The following PCDH19 variants were observed in gnomAD, a reference collection of about 807,000 sequenced individuals.
PCDH19 encodes protocadherin 19, also known as protocadherin-19.
Under a neutral mutation model 46.2 loss-of-function variants are expected in PCDH19, and 6 were observed. That is an observed-to-expected ratio of 0.13 (90% CI 0.07 to 0.26). The LOEUF (loss-of-function observed/expected upper bound fraction) is 0.26, where lower values mean the gene tolerates loss of function less well. Ranked by LOEUF, PCDH19 falls within the 10% of genes least tolerant of loss-of-function variation. The pLI, the probability that PCDH19 is intolerant of heterozygous loss-of-function variation, is 1.00. For missense variants in PCDH19, 740 were observed against 972.3 expected (o/e 0.76, Z 3.18); for synonymous variants, 481 against 415.7 (o/e 1.16, Z -1.91).
intron 5 of PCDH19, among the ~76,000 whole-genome samples, chrX:100,331,737 T>C (rs1011925826): frequency 9.0e-5 from 10 of 111,591 alleles, no homozygotes; most frequent in African/African-American, 3.3e-4. Context: ...TATAGCACTT[T>C]CTCATTCCCT....
intron 3 of PCDH19, among the ~76,000 whole-genome samples, chrX:100,359,041 C>A (rs1434978319): frequency 8.9e-6 from 1 of 111,876 alleles, no homozygotes; most frequent in African/African-American, 3.3e-5. Context: ...ACTTTACAAG[C>A]AAGTGCCAAC....
At chrX:100,325,700 G>A (rs748740727) in intron 5 of PCDH19, among the ~76,000 whole-genome samples, 2 of 112,436 alleles carry the variant, frequency 1.8e-5, no homozygotes, top group East Asian at 5.6e-4. Context: ...TTTGTATATA[G>A]CACGTGGATT....
chrX:100,313,525 G>A (rs1412865000), intron 5 of PCDH19, among the ~76,000 whole-genome samples: 1 of 112,053 alleles, frequency 8.9e-6, no homozygotes, highest in Non-Finnish European at 1.9e-5. Context: ...TTTGGCTCTA[G>A]TACTTTCTTA....
intron 3 of PCDH19, among the ~76,000 whole-genome samples, chrX:100,366,104 T>C (rs1215713582): frequency 8.9e-6 from 1 of 111,987 alleles, no homozygotes; most frequent in Non-Finnish European, 1.9e-5. Flanking sequence ...ATCCAGAGAA[T>C]ATTGAATGAT....
rs1272328828 is a variant in PCDH19 at position 100,293,970 on chromosome X, C to T, written c.*2307G>A. 9.0e-6 allele frequency: 1 copy of T among 111,700 alleles called. No homozygotes were observed. Among genetic ancestry groups the T allele is most frequent in the Non-Finnish European group, 1.9e-5 (1 of 53,182 alleles). The allele number at this position is 111,700 out of a possible 1,213,427, so 9.2% of individuals were successfully genotyped here. Reference sequence around the variant, plus strand: ...AATCTTTTCTGCTCCCTGGTTCCCACTGAGCATAGCAAGAAATACACCTGT... The same window carrying T: ...AATCTTTTCTGCTCCCTGGTTCCCATTGAGCATAGCAAGAAATACACCTGT... On this transcript the variant is annotated 3_prime_UTR_variant, in exon 6 of 6. Transcript: ENST00000373034.
At position 100,350,723 on chromosome X, in the gene PCDH19, A is replaced by G. The variant is rs769440452; in HGVS notation, c.2617-19T>C. On this transcript the variant is annotated intron_variant, in intron 3 of 5. Coordinates refer to ENST00000373034, the MANE Select transcript of PCDH19 (RefSeq NM_001184880.2). ...TTTCAGTCTGCAATGAGAAGAAAAA[A>G]TTAAAAAGGTTACACAGATGATTCA... 2 of 1,039,626 alleles carry G rather than the reference A, an allele frequency of 1.9e-6. No homozygotes were observed. Among genetic ancestry groups the G allele is most frequent in the African/African-American group, 1.8e-5 (1 of 54,319 alleles). The allele number at this position is 1,039,626 out of a possible 1,213,427, so 85.7% of individuals were successfully genotyped here. A position where few individuals can be genotyped will look rare whatever the true frequency, so the allele number is the denominator to read the frequency against.
chrX:100,370,718 AATAAT>A (rs1927191717), intron 3 of PCDH19, among the ~76,000 whole-genome samples: 1 of 112,074 alleles, frequency 8.9e-6, no homozygotes, highest in Non-Finnish European at 1.9e-5. Flanking sequence ...TTTGTAGGAG[AATAAT>A]ATAATATATT....
At chrX:100,297,237 A>G (rs1274955136) in intron 5 of PCDH19, among the ~76,000 whole-genome samples, 1 of 111,930 alleles carries the variant, frequency 8.9e-6, no homozygotes, top group Non-Finnish European at 1.9e-5. Context: ...AACTGGATTC[A>G]GCAGATGAGG....
chrX:100,341,394 A>G (rs1229977061), intron 5 of PCDH19, among the ~76,000 whole-genome samples: 1 of 111,551 alleles, frequency 9.0e-6, no homozygotes, highest in African/African-American at 3.3e-5. Flanking sequence ...CCATAGACAA[A>G]ATGGGAAGTT....
rs1054486891 is a variant in PCDH19 at position 100,392,830 on chromosome X, G to A, written c.2616+9694C>T. Among the ~76,000 whole-genome samples, 4 of 111,415 alleles carry A rather than the reference G, an allele frequency of 3.6e-5. No individual in the cohort carries two copies. The Admixed American group carries it at 3.8e-4, about 11-fold the overall frequency. On this transcript the variant is annotated intron_variant, in intron 3 of 5. Coordinates refer to ENST00000373034, the MANE Select transcript of PCDH19 (RefSeq NM_001184880.2). ...TTTCAAATATGAATGCTAGATTACG[G>A]ACATTTTTAGTTATAAAAAAGCCTC...
intron 5 of PCDH19, among the ~76,000 whole-genome samples, chrX:100,309,181 C>CACACACACA (rs1569287919): frequency 9.1e-6 from 1 of 109,809 alleles, no homozygotes; most frequent in African/African-American, 3.3e-5. Context: ...CACACACACA[C>CACACACACA]CATGGAAATA....
chrX:100,364,932 G>T (rs1015734109), intron 3 of PCDH19, among the ~76,000 whole-genome samples: 4 of 111,878 alleles, frequency 3.6e-5, no homozygotes, highest in Non-Finnish European at 7.5e-5. Flanking sequence ...AACTAATGTT[G>T]TTTCCCCATC....
chrX:100,373,409 G>A (rs908406493), intron 3 of PCDH19, among the ~76,000 whole-genome samples: 3 of 112,916 alleles, frequency 2.7e-5, no homozygotes, highest in Admixed American at 1.9e-4. Context: ...CTGAAAGAAA[G>A]AATCATCTCA....
At chrX:100,336,711 G>A (rs1347669923) in intron 5 of PCDH19, among the ~76,000 whole-genome samples, 1 of 111,837 alleles carries the variant, frequency 8.9e-6, no homozygotes, top group African/African-American at 3.3e-5. Flanking sequence ...TAGCATGGAG[G>A]GAAACCAATT....
intron 3 of PCDH19, among the ~76,000 whole-genome samples, chrX:100,383,430 C>T (rs180763622): frequency 3.7e-4 from 42 of 112,071 alleles, no homozygotes; most frequent in Middle Eastern, 9.2e-3. Context: ...ATGCAAAAGT[C>T]AAGAGCTCTC....
intron 5 of PCDH19, among the ~76,000 whole-genome samples, chrX:100,304,324 A>T (rs1332507654): frequency 1.8e-5 from 2 of 111,037 alleles, no homozygotes; most frequent in Non-Finnish European, 3.8e-5. Context: ...AGAAATAACA[A>T]TCACTGCAGT....
At chrX:100,394,545 C>CA (rs1297681794) in intron 3 of PCDH19, among the ~76,000 whole-genome samples, 2 of 109,644 alleles carry the variant, frequency 1.8e-5, no homozygotes, top group African/African-American at 3.3e-5. Flanking sequence ...CAGGTGAAGA[C>CA]AAAAAAAAAT....
intron 5 of PCDH19, among the ~76,000 whole-genome samples, chrX:100,317,040 T>C (rs189689240): frequency 8.9e-6 from 1 of 111,993 alleles, no homozygotes; most frequent in African/African-American, 3.2e-5. Context: ...TAGATTTTCC[T>C]AGCCCTTGCC....
chrX:100,322,220 G>A (rs1399752074), intron 5 of PCDH19, among the ~76,000 whole-genome samples: 1 of 111,440 alleles, frequency 9.0e-6, no homozygotes, highest in African/African-American at 3.3e-5. Flanking sequence ...TTAAGACCTT[G>A]ATCTATTTTG....
Sources: allele counts gnomAD v4.1 joint callset (sites outside exome capture counted in the v4.1 genomes callset), GRCh38; gene constraint gnomAD v4.1.1; transcripts MANE v1.5; gene names NCBI Gene and HGNC (gene_info 2026-07-23, HGNC 2026-07-21).